Variants in AUTS2 observed in about 807,000 individuals in gnomAD.
The protein encoded by AUTS2 is autism susceptibility gene 2 protein.
Under a neutral mutation model 112.4 loss-of-function variants are expected in AUTS2, and 17 were observed. The observed-to-expected ratio is 0.15, with a 90% CI of 0.10 to 0.23. AUTS2 has a LOEUF of 0.23. Among genes scored for constraint, AUTS2 ranks in the 10% least tolerant of loss-of-function variants. The probability of loss-of-function intolerance (pLI) is 1.00; values close to 1 mark genes in which losing one functional copy is unlikely to be tolerated. For synonymous variants in AUTS2, 751 were observed against 702.7 expected, an observed-to-expected ratio of 1.07 and a Z score of -1.09; for missense variants, 1,510 against 1,701.6, an observed-to-expected ratio of 0.89 and a Z score of 1.98.
chr7:69,689,179 T>TG (rs1797193796), intron 1 of AUTS2, among the ~76,000 whole-genome samples: 1 of 152,016 alleles, frequency 6.6e-6, no homozygotes, highest in Non-Finnish European at 1.5e-5. Context: ...GATCCCTGCC[T>TG]GGGGGGTTTC....
chr7:69,910,652 G>A lies in AUTS2; in HGVS notation c.522+11154G>A, dbSNP rs543677797. Among the ~76,000 whole-genome samples, 4 of 152,068 alleles carry A rather than the reference G, an allele frequency of 2.6e-5. 1 individual carries two copies. In the South Asian group the frequency reaches 6.3e-4, roughly 24 times the overall value. ...ATTTTATTTTTTATTTCTTTGAGACGGAGTCTTGCTATGTCACCCAGGCTG... is the reference window on the plus strand; with the variant it reads ...ATTTTATTTTTTATTTCTTTGAGACAGAGTCTTGCTATGTCACCCAGGCTG... On this transcript the variant is annotated intron_variant, in intron 2 of 18. Coordinates refer to ENST00000342771, the MANE Select transcript of AUTS2 (RefSeq NM_015570.4).
chr7:69,885,524 A>G (rs949858626), intron 1 of AUTS2, among the ~76,000 whole-genome samples: 3 of 152,218 alleles, frequency 2.0e-5, no homozygotes, highest in Non-Finnish European at 2.9e-5. Flanking sequence ...TAATGAGACA[A>G]TACTAAACTG....
chr7:70,765,268 A>C (rs1260327542), intron 8 of AUTS2, among the ~76,000 whole-genome samples: 1 of 152,064 alleles, frequency 6.6e-6, no homozygotes, highest in African/African-American at 2.4e-5. Flanking sequence ...TTTCCAGCTA[A>C]ATTCAGCCAC....
intron 2 of AUTS2, among the ~76,000 whole-genome samples, chr7:69,907,183 G>A (rs1795181560): frequency 6.6e-6 from 1 of 152,198 alleles, no homozygotes; most frequent in African/African-American, 2.4e-5. Context: ...CCAGCTGCCT[G>A]CTCATGTCTT....
At chr7:70,600,138 C>T (rs1803403709) in intron 5 of AUTS2, among the ~76,000 whole-genome samples, 1 of 152,320 alleles carries the variant, frequency 6.6e-6, no homozygotes, top group South Asian at 2.1e-4. Context: ...ACCACTGCTC[C>T]AAGGCAGCCT....
At chr7:70,259,844 A>G (rs1202108068) in intron 4 of AUTS2, among the ~76,000 whole-genome samples, 2 of 152,188 alleles carry the variant, frequency 1.3e-5, no homozygotes, top group South Asian at 4.1e-4. Flanking sequence ...AGTGGGGTAG[A>G]TAGGAGCCAA....
chr7:70,774,038 C>T lies in AUTS2; in HGVS notation c.1841C>T (p.Pro614Leu), dbSNP rs1376247808. 1.2e-6 allele frequency: 2 copies of T among 1,614,182 alleles called. No individual in the cohort carries two copies. Among genetic ancestry groups the T allele is most frequent in the Non-Finnish European group, 1.7e-6 (2 of 1,180,008 alleles). ...CTAATTAATTTGTAGACATCCAACC[C>T]TATCGATGTCGCTGCTCGGCCTGGG... ...QGAFQPKTSNPIDVAARPGTV... is the reference protein window; with the variant it reads ...QGAFQPKTSNLIDVAARPGTV... Residue 614 changes from proline to leucine, a missense_variant, in exon 12 of 19, where the codon CCT becomes CTT. Physicochemically the swap from Pro to Leu is moderately conservative, Grantham distance 98. Coordinates refer to ENST00000342771, the MANE Select transcript of AUTS2 (RefSeq NM_015570.4).
intron 4 of AUTS2, among the ~76,000 whole-genome samples, chr7:70,172,854 G>A (rs1010775926): frequency 1.3e-5 from 2 of 152,118 alleles, no homozygotes; most frequent in South Asian, 2.1e-4. Context: ...CAGTTCATAG[G>A]ATTTGGCCCA....
chr7:69,655,961 TC>T (rs1795511989), intron 1 of AUTS2, among the ~76,000 whole-genome samples: 1 of 152,226 alleles, frequency 6.6e-6, no homozygotes, highest in Non-Finnish European at 1.5e-5. Flanking sequence ...AAACCTTATA[TC>T]CCAGGCAAAG....
chr7:70,107,193 T>A (rs1234882096), intron 2 of AUTS2, among the ~76,000 whole-genome samples: 1 of 152,146 alleles, frequency 6.6e-6, no homozygotes, highest in African/African-American at 2.4e-5. Context: ...GATCACTGTT[T>A]CAAGAACAAA....
intron 2 of AUTS2, among the ~76,000 whole-genome samples, chr7:69,958,836 C>T (rs1431713671): frequency 6.6e-6 from 1 of 152,090 alleles, no homozygotes; most frequent in Admixed American, 6.6e-5. Flanking sequence ...GGCAGTATGA[C>T]TGGATTGTTT....
chr7:69,712,186 G>A (rs955732688), intron 1 of AUTS2, among the ~76,000 whole-genome samples: 2 of 152,240 alleles, frequency 1.3e-5, no homozygotes, highest in South Asian at 2.1e-4. Flanking sequence ...CAGACATGGT[G>A]CCTTTTTCAC....
intron 1 of AUTS2, among the ~76,000 whole-genome samples, chr7:69,834,153 C>T (rs986875636): frequency 2.6e-5 from 4 of 152,154 alleles, no homozygotes; most frequent in Non-Finnish European, 4.4e-5. Context: ...CTCTACGTCA[C>T]TCTTCTTTAC....
rs970404834 is a variant in AUTS2 at position 70,718,194 on chromosome 7, T to C, written c.742+19574T>C. ...GGGGAAGAGCTTTCCTTTCCTCTCC[T>C]CAACTCAGAAGGCCTCTTCCTCTTG... is the stretch of plus-strand genomic sequence containing the variant. On this transcript the variant is annotated intron_variant, in intron 6 of 18. Transcript: ENST00000342771. Among the ~76,000 whole-genome samples, 6 of 152,120 alleles carry C rather than the reference T, an allele frequency of 3.9e-5. No individual in the cohort carries two copies. In the South Asian group the frequency reaches 6.2e-4, roughly 16 times the overall value.
intron 4 of AUTS2, among the ~76,000 whole-genome samples, chr7:70,141,978 A>C (rs1164631293): frequency 1.3e-5 from 2 of 152,218 alleles, no homozygotes; most frequent in African/African-American, 2.4e-5. Flanking sequence ...AAGGGAACTG[A>C]GAAATTTGAC....
rs114588035 is a variant in AUTS2, at chr7:69,979,588, C to G, written c.522+80090C>G. On this transcript the variant is annotated intron_variant, in intron 2 of 18. Transcript: ENST00000342771. ...CAGTGTATTTTGGAAATAAAAGATG[C>G]AGCCAATCTAAATCAAAGACATGAT... is the stretch of plus-strand genomic sequence containing the variant. Among the ~76,000 whole-genome samples, 1,166 of 152,254 alleles carry G rather than the reference C, an allele frequency of 7.7e-3. 15 individuals are homozygous for G. The highest frequency in any genetic ancestry group is 0.027 in the African/African-American group (1,109 of 41,546).
intron 1 of AUTS2, among the ~76,000 whole-genome samples, chr7:69,744,099 G>A (rs993986923): frequency 1.3e-5 from 2 of 152,042 alleles, no homozygotes; most frequent in South Asian, 2.1e-4. Context: ...CCTGGCCAGC[G>A]TAATTATTCT....
Position 70,631,182 on chromosome 7 carries a change from T to C in AUTS2, c.691-67387T>C, listed in dbSNP as rs1466118746. Among the ~76,000 whole-genome samples the C allele has an allele frequency of 6.6e-6, 1 of 152,072 alleles. No individual in the cohort carries two copies. The highest frequency in any genetic ancestry group is 6.5e-5 in the Admixed American group (1 of 15,268). ...CCAGCCAGCTCCCACAAAAGCACGATTAAAATGTCAGCACAGGATGACGAA... is the reference window on the plus strand; with the variant it reads ...CCAGCCAGCTCCCACAAAAGCACGACTAAAATGTCAGCACAGGATGACGAA... On this transcript the variant is annotated intron_variant, in intron 5 of 18. Transcript: ENST00000342771. The surrounding 1 kb of genome is among the most constrained non-coding windows in gnomAD (Gnocchi z 4.5).
intron 5 of AUTS2, among the ~76,000 whole-genome samples, chr7:70,574,776 T>G (rs1416319543): frequency 2.0e-5 from 3 of 152,134 alleles, no homozygotes; most frequent in Non-Finnish European, 4.4e-5. Flanking sequence ...TTGTTTTAGC[T>G]GGACCTAGAG....
Sources: allele counts gnomAD v4.1 joint callset (sites outside exome capture counted in the v4.1 genomes callset), GRCh38; gene constraint gnomAD v4.1.1; non-coding constraint Gnocchi (gnomAD v3.1); transcripts MANE v1.5; gene names NCBI Gene and HGNC (gene_info 2026-07-23, HGNC 2026-07-21).